The following DNER variants were observed in gnomAD, a reference collection of about 807,000 sequenced individuals.
DNER encodes delta and Notch-like epidermal growth factor-related receptor.
In DNER, 33 loss-of-function variants were observed where a neutral mutation model predicts 78.2. The observed-to-expected ratio is 0.42, with a 90% CI of 0.32 to 0.56. DNER has a LOEUF of 0.56. DNER is among the 20% of genes least tolerant of loss of function. The pLI is 0.11. For synonymous variants in DNER, 417 were observed against 384.8 expected (o/e 1.08, Z -0.98); for missense variants, 918 against 975.3 (o/e 0.94, Z 0.78).
At chr2:229,706,745 GT>G (rs979718004) in intron 1 of DNER, among the ~76,000 whole-genome samples, 1 of 151,938 alleles carries the variant, frequency 6.6e-6, no homozygotes, top group African/African-American at 2.4e-5. Flanking sequence ...TGCAATGTGA[GT>G]TTTTTTTAAT....
intron 1 of DNER, among the ~76,000 whole-genome samples, chr2:229,661,914 C>T (rs778490815): frequency 1.3e-5 from 2 of 152,198 alleles, no homozygotes; most frequent in Non-Finnish European, 2.9e-5. Context: ...TGGCTGCATT[C>T]TCTTGATGCC....
intron 5 of DNER, among the ~76,000 whole-genome samples, chr2:229,528,227 A>C (rs1180322076): frequency 6.6e-6 from 1 of 152,148 alleles, no homozygotes; most frequent in Non-Finnish European, 1.5e-5. Context: ...TGGTGGCAGA[A>C]ACTTCCTAGG....
At chr2:229,660,161 G>T (rs1250256796) in intron 1 of DNER, among the ~76,000 whole-genome samples, 1 of 152,046 alleles carries the variant, frequency 6.6e-6, no homozygotes, top group Non-Finnish European at 1.5e-5. Flanking sequence ...GACACGTGCA[G>T]GTTTGTTACA....
At chr2:229,410,410 G>A (rs1016796313) in intron 9 of DNER, among the ~76,000 whole-genome samples, 6 of 152,174 alleles carry the variant, frequency 3.9e-5, no homozygotes, top group Non-Finnish European at 7.3e-5. Flanking sequence ...CAAGAGGGGC[G>A]ACAGCCAGTG....
chr2:229,470,535 T>C (rs1694903870), intron 7 of DNER, among the ~76,000 whole-genome samples: 1 of 152,168 alleles, frequency 6.6e-6, no homozygotes, highest in African/African-American at 2.4e-5. Context: ...GCAAAATTAA[T>C]GAATTGTGTG....
At chr2:229,436,678 T>C (rs1013331201) in intron 8 of DNER, among the ~76,000 whole-genome samples, 3 of 152,090 alleles carry the variant, frequency 2.0e-5, no homozygotes, top group African/African-American at 7.2e-5. Flanking sequence ...ATAACAAGAA[T>C]TCCATGTCCA....
intron 11 of DNER, among the ~76,000 whole-genome samples, chr2:229,379,359 A>C (rs1692682574): frequency 6.6e-6 from 1 of 152,202 alleles, no homozygotes; most frequent in Non-Finnish European, 1.5e-5. Flanking sequence ...TCCTATAATC[A>C]AGTGAGAAAG....
intron 4 of DNER, among the ~76,000 whole-genome samples, chr2:229,564,549 C>T (rs1223473660): frequency 6.6e-6 from 1 of 150,706 alleles, no homozygotes; most frequent in Non-Finnish European, 1.5e-5. Context: ...TCATCATCCT[C>T]ACCCCATTAC....
chr2:229,523,584 T>G (rs1469580270), intron 5 of DNER, among the ~76,000 whole-genome samples: 1 of 152,234 alleles, frequency 6.6e-6, no homozygotes, highest in Non-Finnish European at 1.5e-5. Flanking sequence ...TTAAAGAGCC[T>G]ACCTAAATAC....
At chr2:229,446,977 T>C (rs1321860851) in intron 8 of DNER, among the ~76,000 whole-genome samples, 1 of 152,196 alleles carries the variant, frequency 6.6e-6, no homozygotes, top group Non-Finnish European at 1.5e-5. Context: ...TTACAGTAAA[T>C]TGATAAAAAT....
At chr2:229,575,388 C>A (rs10490184) in intron 4 of DNER, among the ~76,000 whole-genome samples, 10,942 of 152,284 alleles carry the variant, frequency 0.072, 554 homozygotes, top group East Asian at 0.16. Context: ...TAACTCATGA[C>A]AGTGCCCTTC....
chr2:229,471,164 A>T (rs1220124843), intron 7 of DNER, among the ~76,000 whole-genome samples: 2 of 152,106 alleles, frequency 1.3e-5, no homozygotes, highest in Admixed American at 6.5e-5. Context: ...ACTAAATCCC[A>T]AAACTATATC....
intron 5 of DNER, among the ~76,000 whole-genome samples, chr2:229,536,906 T>A (rs539371990): frequency 6.6e-6 from 1 of 152,270 alleles, no homozygotes; most frequent in Non-Finnish European, 1.5e-5. Flanking sequence ...ACCTGTACCC[T>A]CATTTTCTCA....
intron 1 of DNER, among the ~76,000 whole-genome samples, chr2:229,612,649 C>T (rs113991600): frequency 6.6e-5 from 10 of 152,338 alleles, no homozygotes; most frequent in African/African-American, 2.4e-4. Flanking sequence ...CTGTTTTTTG[C>T]ACTTTGCCAG....
chr2:229,426,646 G>A (rs1434300287), intron 8 of DNER, among the ~76,000 whole-genome samples: 1 of 152,066 alleles, frequency 6.6e-6, no homozygotes, highest in Non-Finnish European at 1.5e-5. Context: ...GTGTGTGTGA[G>A]TGAGTGTGTG....
rs547684836 is a variant in DNER at position 229,673,693 on chromosome 2, C to T, written c.276+40455G>A. 2.6e-5 allele frequency among the ~76,000 whole-genome samples: 4 copies of T among 152,256 alleles called. No homozygotes were observed. In the South Asian group the frequency reaches 8.3e-4, roughly 32 times the overall value. On this transcript the variant is annotated intron_variant, in intron 1 of 12. Coordinates refer to ENST00000341772, the MANE Select transcript of DNER (RefSeq NM_139072.4). ...CAGGACAGTGCTTAGCTATGTAGCA[C>T]CAAAGAAAACCGAGGCACCAATGCC...
At chr2:229,694,720 C>G (rs954146804) in intron 1 of DNER, among the ~76,000 whole-genome samples, 1 of 152,164 alleles carries the variant, frequency 6.6e-6, no homozygotes, top group Non-Finnish European at 1.5e-5. Flanking sequence ...GCCTGTACCC[C>G]CATTGTATCT....
chr2:229,568,180 T>C (rs1213302114), intron 4 of DNER, among the ~76,000 whole-genome samples: 3 of 152,232 alleles, frequency 2.0e-5, no homozygotes, highest in African/African-American at 4.8e-5. Flanking sequence ...TAAGCCGTGT[T>C]CCAAGAGGCC....
At chr2:229,555,787 A>G (rs1050903859) in intron 4 of DNER, among the ~76,000 whole-genome samples, 2 of 91,966 alleles carry the variant, frequency 2.2e-5, no homozygotes, top group African/African-American at 6.3e-5. Flanking sequence ...CCAGTTTACT[A>G]AAAAAAAAAA....
Sources: gnomAD v4.1 joint callset for allele counts (sites outside exome capture counted in the v4.1 genomes callset) on GRCh38, gnomAD v4.1.1 for gene constraint, MANE v1.5 for transcripts, NCBI Gene and HGNC (gene_info 2026-07-23, HGNC 2026-07-21) for gene names.